The following MDGA2 variants were observed in gnomAD, a reference collection of about 807,000 sequenced individuals.
The protein encoded by MDGA2 is MAM domain containing glycosylphosphatidylinositol anchor 2.
In MDGA2, 40 loss-of-function variants were observed where a neutral mutation model predicts 117.8. The ratio of observed to expected loss-of-function variants is 0.34; its 90% confidence interval spans 0.26 to 0.44. The LOEUF is 0.44. Ranked by LOEUF, MDGA2 falls within the 20% of genes least tolerant of loss-of-function variation. The pLI, the probability that MDGA2 is intolerant of heterozygous loss-of-function variation, is 1.00. For missense variants in MDGA2, 1,123 were observed against 1,250.6 expected (o/e 0.90, Z 1.54); for synonymous variants, 452 against 439.0 (o/e 1.03, Z -0.37).
chr14:47,082,698 C>T (rs1014063483), intron 6 of MDGA2, among the ~76,000 whole-genome samples: 2 of 151,880 alleles, frequency 1.3e-5, no homozygotes, highest in Non-Finnish European at 2.9e-5. Context: ...AAAAATAAGA[C>T]TTGTCAAGAG....
intron 3 of MDGA2, among the ~76,000 whole-genome samples, chr14:47,152,832 G>C (rs1883214789): frequency 6.6e-6 from 1 of 152,112 alleles, no homozygotes; most frequent in African/African-American, 2.4e-5. Context: ...CCTAAATTAT[G>C]AAGAGAGTAT....
At chr14:47,411,349 A>G (rs1023493177) in intron 1 of MDGA2, among the ~76,000 whole-genome samples, 1 of 152,178 alleles carries the variant, frequency 6.6e-6, no homozygotes, top group African/African-American at 2.4e-5. Flanking sequence ...GCATGTATAT[A>G]AGTGGCTAAT....
intron 1 of MDGA2, among the ~76,000 whole-genome samples, chr14:47,330,417 A>G (rs924199828): frequency 6.6e-6 from 1 of 151,964 alleles, no homozygotes; most frequent in Non-Finnish European, 1.5e-5. Context: ...AGAAGGACAT[A>G]TATTTCAAAC....
intron 14 of MDGA2, among the ~76,000 whole-genome samples, chr14:46,864,545 G>GTTCTTTTTTTTTTTTTT (rs1881653278): frequency 1.9e-5 from 1 of 51,472 alleles, no homozygotes; most frequent in African/African-American, 5.9e-5. Context: ...AGATATTGCT[G>GTTCTTTTTTTTTTTTTT]TTTTTTTTTT....
At chr14:47,641,668 A>G (rs896730934) in intron 1 of MDGA2, among the ~76,000 whole-genome samples, 2 of 152,140 alleles carry the variant, frequency 1.3e-5, no homozygotes, top group Non-Finnish European at 2.9e-5. Flanking sequence ...TATTTATCAT[A>G]ATGAGGATAT....
chr14:46,953,030 G>A (rs80164244), intron 9 of MDGA2, among the ~76,000 whole-genome samples: 5,904 of 151,894 alleles, frequency 0.039, 382 homozygotes, highest in African/African-American at 0.14. Context: ...CAGTATCCCA[G>A]AAGAGAATAT....
chr14:47,474,938 G>A lies in MDGA2; in HGVS notation c.281-173388C>T, dbSNP rs185294118. On this transcript the variant is annotated intron_variant, in intron 1 of 16. Coordinates refer to ENST00000399232, the MANE Select transcript of MDGA2 (RefSeq NM_001113498.3). ...TAGGCGTGGGTGAAGATTTCATGAC[G>A]AAAATGCCAAAAGCTATTGCAACAA... 4.2e-3 allele frequency among the ~76,000 whole-genome samples: 645 copies of A among 152,124 alleles called. 2 individuals carry two copies. Among genetic ancestry groups the A allele is most frequent in the African/African-American group, 0.015 (605 of 41,522 alleles).
In MDGA2 at chr14:47,674,715, G is replaced by A. The variant is rs1386342842; in HGVS notation, c.82C>T (p.Arg28Trp). ...CCGAGGTGCCCGGGAACCGCTCGCC[G>A]AAGGAGGAAGCGCCGTCCGTCTGTC... Reference protein sequence around the residue: ...GRTDGRRFLLRRAVPGHLGLA... With the variant: ...GRTDGRRFLLWRAVPGHLGLA... Residue 28 changes from arginine (R) to tryptophan (W), a missense_variant, in exon 1 of 17, where the codon CGG becomes TGG. Around this residue, in one of 2 missense-constraint regions of MDGA2, gnomAD observed 233 missense variants for 200.3 expected, o/e 1.16. Coordinates refer to ENST00000399232, the MANE Select transcript of MDGA2 (RefSeq NM_001113498.3). 5 of 881,772 alleles carry A rather than the reference G, an allele frequency of 5.7e-6. No individual in the cohort carries two copies. The highest frequency in any genetic ancestry group is 9.3e-6 in the Non-Finnish European group (5 of 538,764). The allele number at this position is 881,772 out of a possible 1,614,324, so 54.6% of individuals were successfully genotyped here.
In MDGA2 at chr14:47,492,353, G is replaced by T. The variant is rs187912809; in HGVS notation, c.280+182164C>A. Among the ~76,000 whole-genome samples the T allele has an allele frequency of 2.0e-5, 3 of 152,134 alleles. No homozygotes were observed. The East Asian group carries it at 5.8e-4, about 29-fold the overall frequency. On this transcript the variant is annotated intron_variant, in intron 1 of 16. Transcript: ENST00000399232. ...CCATTAGACAAAGATTTAAGTCTCT[G>T]TTTAAGTACAATGTTCAATCTTTGT...
intron 1 of MDGA2, among the ~76,000 whole-genome samples, chr14:47,359,367 AAGCAAACAAACAAAC>A (rs1891063371): frequency 6.6e-6 from 1 of 151,984 alleles, no homozygotes; most frequent in Non-Finnish European, 1.5e-5. Context: ...ACAAACAAAC[AAGCAAACAAACAAAC>A]AAAAAACATT....
chr14:47,293,070 C>A (rs967509419), intron 2 of MDGA2, among the ~76,000 whole-genome samples: 1 of 152,120 alleles, frequency 6.6e-6, no homozygotes, highest in African/African-American at 2.4e-5. Context: ...TCCTACTACA[C>A]CCTGGGATAC....
chr14:47,035,811 C>T (rs1312055549), intron 7 of MDGA2, among the ~76,000 whole-genome samples: 1 of 152,038 alleles, frequency 6.6e-6, no homozygotes, highest in Non-Finnish European at 1.5e-5. Flanking sequence ...AAAATCCATT[C>T]TATTCTCCAT....
At chr14:47,481,440 T>C (rs1451041777) in intron 1 of MDGA2, among the ~76,000 whole-genome samples, 2 of 151,984 alleles carry the variant, frequency 1.3e-5, no homozygotes, top group African/African-American at 2.4e-5. Context: ...AACATATTAA[T>C]AGCGAAGAGG....
intron 1 of MDGA2, among the ~76,000 whole-genome samples, chr14:47,569,222 C>T (rs564393280): frequency 1.3e-5 from 2 of 152,228 alleles, no homozygotes; most frequent in African/African-American, 2.4e-5. Context: ...TTGAAACTCA[C>T]ATTAATACTG....
rs1890684701 is a variant in MDGA2, at chr14:47,343,191, G to C, written c.281-41641C>G. 70 of 1,133,028 alleles carry C rather than the reference G, an allele frequency of 6.2e-5. No individual in the cohort carries two copies. The South Asian group carries it at 1.3e-3, about 21-fold the overall frequency. 70.2% of individuals were successfully genotyped at this position (1,133,028 alleles called of 1,614,324 possible). The stretch of plus-strand genomic sequence containing the variant: ...ACTTATCATTCTGGTACAGGCTCAA[G>C]CTATTAAAAGGAATGGTGATTTTTT... On this transcript the variant is annotated intron_variant, in intron 1 of 16. Coordinates refer to ENST00000399232, the MANE Select transcript of MDGA2 (RefSeq NM_001113498.3).
intron 1 of MDGA2, among the ~76,000 whole-genome samples, chr14:47,455,963 C>T (rs1479375931): frequency 6.6e-6 from 1 of 151,542 alleles, no homozygotes; most frequent in Non-Finnish European, 1.5e-5. Context: ...TGTCACTGCA[C>T]TCCAGCCTGG....
intron 1 of MDGA2, among the ~76,000 whole-genome samples, chr14:47,664,059 G>A (rs1296707461): frequency 1.3e-5 from 2 of 152,236 alleles, no homozygotes; most frequent in Admixed American, 6.5e-5. Context: ...GGGGGAGGAT[G>A]CCAGCTCCTT....
chr14:47,472,215 T>C (rs958707329), intron 1 of MDGA2, among the ~76,000 whole-genome samples: 4 of 152,204 alleles, frequency 2.6e-5, no homozygotes, highest in African/African-American at 9.7e-5. Context: ...GTCATATTCA[T>C]AGTATATACA....
chr14:47,660,561 A>G lies in MDGA2; in HGVS notation c.280+13956T>C, dbSNP rs561702620. ...GCAATCAACTGTCCTCTTGAACACA[A>G]CAAGATTGTCAAGAAAAGAAATCCG... On this transcript the variant is annotated intron_variant, in intron 1 of 16. Transcript: ENST00000399232. Among the ~76,000 whole-genome samples, 36 of 152,330 alleles carry G rather than the reference A, an allele frequency of 2.4e-4. No individual in the cohort carries two copies. The South Asian group carries it at 7.0e-3, about 30-fold the overall frequency.
Sources: allele counts gnomAD v4.1 joint callset (sites outside exome capture counted in the v4.1 genomes callset), GRCh38; gene constraint gnomAD v4.1.1; regional missense constraint gnomAD v4.1.1; transcripts MANE v1.5; gene names NCBI Gene and HGNC (gene_info 2026-07-23, HGNC 2026-07-21).